The following HK2 variants were observed in gnomAD, a reference collection of about 807,000 sequenced individuals.
HK2 encodes hexokinase-2.
A neutral mutation model predicts 92.9 loss-of-function variants in HK2; 42 were observed. The observed-to-expected ratio is 0.45, with a 90% CI of 0.35 to 0.58. HK2 has a LOEUF of 0.58. Ranked by LOEUF, HK2 falls within the 20% of genes least tolerant of loss-of-function variation. The pLI is 0.00. For missense variants in HK2, 978 were observed against 1,245.1 expected (o/e 0.79, Z 3.23); for synonymous variants, 422 against 468.0 (o/e 0.90, Z 1.27).
chr2:74,889,965 A>G (rs1573395212), intron 17 of HK2, among the ~76,000 whole-genome samples: 1 of 152,156 alleles, frequency 6.6e-6, no homozygotes, highest in African/African-American at 2.4e-5. Flanking sequence ...TGTTTTTTCT[A>G]TCGTTGAGGT....
At chr2:74,838,514 T>C (rs1688224464) in intron 1 of HK2, among the ~76,000 whole-genome samples, 1 of 150,576 alleles carries the variant, frequency 6.6e-6, no homozygotes, top group African/African-American at 2.4e-5. Context: ...GTCCTGCCTA[T>C]GGAGAGATGG....
intron 1 of HK2, among the ~76,000 whole-genome samples, chr2:74,848,900 A>G (rs959422950): frequency 1.3e-5 from 2 of 152,144 alleles, no homozygotes; most frequent in African/African-American, 4.8e-5. Context: ...TCCAGATTCT[A>G]GTTTCAACTG....
chr2:74,889,938 C>A (rs566333991), intron 17 of HK2, among the ~76,000 whole-genome samples: 1 of 152,200 alleles, frequency 6.6e-6, no homozygotes, highest in Non-Finnish European at 1.5e-5. Flanking sequence ...AGCTGTATAG[C>A]GTACCTTTGA....
chr2:74,870,560 T>C (rs956208529), intron 3 of HK2, among the ~76,000 whole-genome samples: 5 of 150,138 alleles, frequency 3.3e-5, no homozygotes, highest in African/African-American at 1.2e-4. Context: ...CTCCCTTTTT[T>C]TTTTTTTTTT....
intron 4 of HK2, 72 bp from the exon 5 acceptor site, chr2:74,873,204 G>T (rs1353633840): frequency 9.3e-7 from 1 of 1,080,212 alleles, no homozygotes; most frequent in Non-Finnish European, 1.4e-6. Flanking sequence ...GCTAATGACG[G>T]AGGTTTGAGG....
rs549068926 is a variant in HK2, at chr2:74,889,428, T to A, written c.2559T>A (p.Ala853=). ...TACGAGAAAACCGTGGGCTGGACGC[T>A]CTCAAAGTGACAGTGGGTGTGGATG... The part of the protein sequence containing the change: ...DRIRENRGLD[A]LKVTVGVDGT... The change falls in exon 17 of 18, where the codon GCT becomes GCA. Residue 853 remains alanine, a synonymous_variant. Transcript: ENST00000290573. The A allele has an allele frequency of 7.4e-6, 12 of 1,613,890 alleles. No individual in the cohort carries two copies. The East Asian group carries it at 1.3e-4, about 18-fold the overall frequency.
At position 74,867,877 on chromosome 2, in the gene HK2, T is replaced by C; in HGVS notation, c.375+93T>C. The C allele has an allele frequency of 4.2e-6, 6 of 1,436,924 alleles. No individual in the cohort carries two copies. The South Asian group carries it at 6.9e-5, about 17-fold the overall frequency. 89.0% of individuals were successfully genotyped at this position (1,436,924 alleles called of 1,614,324 possible). A position where few individuals can be genotyped will look rare whatever the true frequency, so the allele number is the denominator to read the frequency against. Reference sequence around the variant, plus strand: ...TCTCCAGCCGCTCCCAGCGTGTGGATAGGCAGTCACCCAAGACACTCATGG... The same window carrying C: ...TCTCCAGCCGCTCCCAGCGTGTGGACAGGCAGTCACCCAAGACACTCATGG... On this transcript the variant is annotated intron_variant, in intron 3 of 17. Coordinates refer to ENST00000290573, the MANE Select transcript of HK2 (RefSeq NM_000189.5).
intron 2 of HK2, among the ~76,000 whole-genome samples, chr2:74,866,243 T>G (rs150068922): frequency 6.6e-6 from 1 of 152,258 alleles, no homozygotes; most frequent in East Asian, 1.9e-4. Context: ...ACAAACATTC[T>G]TGGGTTATTG....
At chr2:74,854,161 G>T in intron 1 of HK2, 132 bp from the exon 2 acceptor site, 1 of 870,302 alleles carries the variant, frequency 1.1e-6, no homozygotes, top group Admixed American at 1.7e-5. Context: ...TCCTACTAAT[G>T]GTCTTTAATA....
At chr2:74,889,795 G>A (rs1385046493) in intron 17 of HK2, among the ~76,000 whole-genome samples, 1 of 152,070 alleles carries the variant, frequency 6.6e-6, no homozygotes, top group African/African-American at 2.4e-5. Flanking sequence ...ATATTGTTTA[G>A]TTTTACTTAT....
In HK2 at chr2:74,886,296, G is replaced by C; in HGVS notation, c.1938G>C (p.Glu646Asp). ...GGCATCTGCTTCTTCCCTCTCAGGA[G>C]TTTGACCTGGATGTGGTTGCTGTGG... ...LLKEAIHRRE[E>D]FDLDVVAVVN... is the part of the protein sequence containing the mutation. The change falls in exon 14 of 18, where the codon GAG (glutamate) becomes GAC (aspartate). Residue 646 changes from glutamate to aspartate, a missense_variant and splice_region_variant. Coordinates refer to ENST00000290573, the MANE Select transcript of HK2 (RefSeq NM_000189.5). 6.2e-7 allele frequency: 1 copy of C among 1,614,006 alleles called. No individual in the cohort carries two copies. The highest frequency in any genetic ancestry group is 8.5e-7 in the Non-Finnish European group (1 of 1,179,852).
intron 1 of HK2, among the ~76,000 whole-genome samples, chr2:74,850,462 A>G (rs979058814): frequency 4.6e-5 from 7 of 152,194 alleles, no homozygotes; most frequent in Non-Finnish European, 7.3e-5. Flanking sequence ...ATGACTATCA[A>G]TTGGGTGGAG....
intron 17 of HK2, among the ~76,000 whole-genome samples, chr2:74,890,497 ATTAGTTT>A (rs1239978538): frequency 6.6e-6 from 1 of 152,108 alleles, no homozygotes; most frequent in African/African-American, 2.4e-5. Context: ...TTTACTGACT[ATTAGTTT>A]TAAGAACACA....
chr2:74,844,331 A>G (rs576910217), intron 1 of HK2, among the ~76,000 whole-genome samples: 2 of 152,302 alleles, frequency 1.3e-5, no homozygotes, highest in African/African-American at 4.8e-5. Context: ...TTTGTGCAGC[A>G]TGAACTCTTA....
At chr2:74,846,703 T>G (rs1339530996) in intron 1 of HK2, among the ~76,000 whole-genome samples, 2 of 152,192 alleles carry the variant, frequency 1.3e-5, no homozygotes, top group Non-Finnish European at 2.9e-5. Flanking sequence ...TTGCCCAGGC[T>G]GAGTGCAGCA....
At chr2:74,837,074 A>G (rs1688184591) in intron 1 of HK2, among the ~76,000 whole-genome samples, 1 of 152,188 alleles carries the variant, frequency 6.6e-6, no homozygotes, top group Non-Finnish European at 1.5e-5. Flanking sequence ...CAGAGCACCT[A>G]CTGTGTACCT....
chr2:74,857,187 C>A (rs1045844272), intron 2 of HK2, among the ~76,000 whole-genome samples: 23 of 152,204 alleles, frequency 1.5e-4, no homozygotes, highest in Admixed American at 5.9e-4. Flanking sequence ...CATAGGTTAG[C>A]TCCTCACCTC....
chr2:74,882,463 C>A (rs912153507), intron 12 of HK2, among the ~76,000 whole-genome samples: 1 of 151,350 alleles, frequency 6.6e-6, no homozygotes, highest in Non-Finnish European at 1.5e-5. Context: ...GATGATGATG[C>A]TACTCAATGT....
intron 1 of HK2, among the ~76,000 whole-genome samples, chr2:74,835,758 G>A (rs766903982): frequency 1.6e-4 from 25 of 152,226 alleles, no homozygotes; most frequent in Non-Finnish European, 2.4e-4. Context: ...TTAGCTGGAG[G>A]GAGGTTGTTT....
Sources: gnomAD v4.1 joint callset for allele counts (sites outside exome capture counted in the v4.1 genomes callset) on GRCh38, gnomAD v4.1.1 for gene constraint, MANE v1.5 for transcripts, NCBI Gene and HGNC (gene_info 2026-07-23, HGNC 2026-07-21) for gene names.